Variants in PPARA observed in about 807,000 individuals in gnomAD.
PPARA encodes peroxisome proliferator-activated receptor alpha.
A neutral mutation model predicts 42.2 loss-of-function variants in PPARA; 22 were observed. The ratio of observed to expected loss-of-function variants is 0.52; its 90% CI spans 0.37 to 0.74. The LOEUF (loss-of-function observed/expected upper bound fraction) is 0.74. Ranked by LOEUF, PPARA falls within the 30% of genes least tolerant of loss-of-function variation. The pLI is 0.00. For missense variants in PPARA, 465 were observed against 608.2 expected (o/e 0.76, Z 2.48); for synonymous variants, 242 against 239.3 (o/e 1.01, Z -0.10).
intron 4 of PPARA, among the ~76,000 whole-genome samples, chr22:46,199,283 G>A (rs1668605158): frequency 6.6e-6 from 1 of 152,088 alleles, no homozygotes; most frequent in Non-Finnish European, 1.5e-5. Context: ...GCGTCAAAGG[G>A]AAACAGATAA....
intron 3 of PPARA, among the ~76,000 whole-genome samples, chr22:46,189,114 C>G (rs1601692501): frequency 1.3e-5 from 2 of 152,332 alleles, no homozygotes; most frequent in Middle Eastern, 6.8e-3. Context: ...ACTTTTGATT[C>G]TTGTGGCAGG....
chr22:46,152,791 A>G (rs966877206), intron 2 of PPARA, among the ~76,000 whole-genome samples: 3 of 152,214 alleles, frequency 2.0e-5, no homozygotes, highest in African/African-American at 7.2e-5. Flanking sequence ...AAGCAAAAGT[A>G]AACTAATTGG....
At chr22:46,198,728 T>A in intron 4 of PPARA, 137 bp downstream of exon 4, 1 of 881,882 alleles carries the variant, frequency 1.1e-6, no homozygotes, top group Non-Finnish European at 1.7e-6. Context: ...TGGCTCGATC[T>A]CGGCTCACTG....
Position 46,204,974 on chromosome 22 carries a change from C to A in PPARA, c.208+6383C>A, listed in dbSNP as rs1003298887. Among the ~76,000 whole-genome samples the A allele has an allele frequency of 6.6e-6, 1 of 151,940 alleles. No homozygotes were observed. The highest frequency in any genetic ancestry group is 1.5e-5 in the Non-Finnish European group (1 of 67,986). On this transcript the variant is annotated intron_variant, in intron 4 of 8. Transcript: ENST00000407236. This position sits in a 1 kb window ranked among gnomAD's most constrained non-coding sequence, Gnocchi z 5.2. Reference sequence around the variant, plus strand: ...CCTTGACCTCTTGGGCTCAGGAAACCCTCCGACCTCAGCCTCCCAAGTAGC... The same window carrying A: ...CCTTGACCTCTTGGGCTCAGGAAACACTCCGACCTCAGCCTCCCAAGTAGC...
chr22:46,174,190 A>AGAG (rs1569196606), intron 2 of PPARA, among the ~76,000 whole-genome samples: 467 of 126,894 alleles, frequency 3.7e-3, no homozygotes, highest in Non-Finnish European at 6.1e-3. Flanking sequence ...AGAAGGAAGA[A>AGAG]AGAGAGAGAG....
intron 4 of PPARA, among the ~76,000 whole-genome samples, chr22:46,201,263 G>A (rs1050315965): frequency 6.6e-6 from 1 of 152,158 alleles, no homozygotes; most frequent in African/African-American, 2.4e-5. Flanking sequence ...CCTTGTAAAA[G>A]GTGGCAGTGT....
intron 4 of PPARA, among the ~76,000 whole-genome samples, chr22:46,207,790 C>T (rs920177844): frequency 6.1e-5 from 9 of 147,416 alleles, no homozygotes; most frequent in Admixed American, 1.4e-4. Flanking sequence ...CTCAAGCAAT[C>T]GTCCTGCCTC....
chr22:46,242,731 G>GCGCGCGCGCGCACACACA lies in PPARA; in HGVS notation c.*7352_*7353insGCGCGCGCGCACACACAC, dbSNP rs10643430. ...AAATACACTGCGTACACGTGTGCGTGCACACACACACACACACACACACAC... is the reference window on the plus strand; with the variant it reads ...AAATACACTGCGTACACGTGTGCGTGCGCGCGCGCGCACACACACACACACACACACACACACACACAC... On this transcript the variant is annotated 3_prime_UTR_variant, in exon 9 of 9. Coordinates refer to ENST00000407236, the MANE Select transcript of PPARA (RefSeq NM_005036.6). This position sits in a 1 kb window ranked among gnomAD's most constrained non-coding sequence, Gnocchi z 6.1. 14 of 132,698 alleles carry GCGCGCGCGCGCACACACA rather than the reference G, an allele frequency of 1.1e-4. No homozygotes were observed. The highest frequency in any genetic ancestry group is 3.5e-4 in the African/African-American group (14 of 39,856). 8.2% of individuals were successfully genotyped at this position (132,698 alleles called of 1,614,324 possible). A position where few individuals can be genotyped will look rare whatever the true frequency, so the allele number is the denominator to read the frequency against.
rs4253685 is a variant in PPARA, at chr22:46,184,531, T to C, written c.-43+7695T>C. The stretch of plus-strand genomic sequence containing the variant: ...CCATATTTAGAAGGTTTCCAACTGT[T>C]ATCTTTCACTTCCCATGTTGCTGTT... On this transcript the variant is annotated intron_variant, in intron 3 of 8. Transcript: ENST00000407236. This position sits in a 1 kb window ranked among gnomAD's most constrained non-coding sequence, Gnocchi z 4.4. Among the ~76,000 whole-genome samples the C allele has an allele frequency of 4.3e-3, 657 of 152,322 alleles. 8 individuals carry two copies. The highest frequency in any genetic ancestry group is 0.015 in the African/African-American group (633 of 41,578).
chr22:46,165,918 G>T lies in PPARA; in HGVS notation c.-126-10835G>T, dbSNP rs746449037. Among the ~76,000 whole-genome samples, 1 of 152,048 alleles carries T rather than the reference G, an allele frequency of 6.6e-6. No individual in the cohort carries two copies. The highest frequency in any genetic ancestry group is 1.5e-5 in the Non-Finnish European group (1 of 68,008). ...AGTGGCTCATGCATGTAATCCCAGC[G>T]CTTTGGGAGGCCAAGGCGGGTGAAT... On this transcript the variant is annotated intron_variant, in intron 2 of 8. Coordinates refer to ENST00000407236, the MANE Select transcript of PPARA (RefSeq NM_005036.6). The surrounding 1 kb of genome is among the most constrained non-coding windows in gnomAD (Gnocchi z 5.5).
rs563369130 is a variant in PPARA, at chr22:46,195,620, C to G, written c.-42-2722C>G. 3.3e-5 allele frequency among the ~76,000 whole-genome samples: 5 copies of G among 152,172 alleles called. No individual in the cohort carries two copies. The highest frequency in any genetic ancestry group is 6.5e-5 in the Admixed American group (1 of 15,270). The stretch of plus-strand genomic sequence containing the variant: ...AGAAGCCAAAACATCCCTTCCTCAC[C>G]GCACTAAAAGCTGTTGTTTACATGA... On this transcript the variant is annotated intron_variant, in intron 3 of 8. Transcript: ENST00000407236. This position sits in a 1 kb window ranked among gnomAD's most constrained non-coding sequence, Gnocchi z 4.6.
chr22:46,206,776 C>A (rs1933353419), intron 4 of PPARA, among the ~76,000 whole-genome samples: 1 of 152,010 alleles, frequency 6.6e-6, no homozygotes, highest in African/African-American at 2.4e-5. Flanking sequence ...GTGCTATATA[C>A]CTTTGTATAA....
At chr22:46,198,654 C>CAA in intron 4 of PPARA, 63 bp downstream of exon 4, 4 of 1,014,854 alleles carry the variant, frequency 3.9e-6, no homozygotes, top group South Asian at 1.4e-5. Context: ...GAAAACTGTT[C>CAA]TCTCTTTTTT....
In PPARA at chr22:46,204,390, G is replaced by A. The variant is rs1196244364; in HGVS notation, c.208+5799G>A. Among the ~76,000 whole-genome samples, 1 of 152,186 alleles carries A rather than the reference G, an allele frequency of 6.6e-6. No individual in the cohort carries two copies. Among genetic ancestry groups the A allele is most frequent in the Non-Finnish European group, 1.5e-5 (1 of 68,042 alleles). Reference sequence around the variant, plus strand: ...AGTATGACGGCTGGAACAGATGGCAGGTGTTTGTGTAACTTTTTAAGAAAC... The same window carrying A: ...AGTATGACGGCTGGAACAGATGGCAAGTGTTTGTGTAACTTTTTAAGAAAC... On this transcript the variant is annotated intron_variant, in intron 4 of 8. Coordinates refer to ENST00000407236, the MANE Select transcript of PPARA (RefSeq NM_005036.6). This position sits in a 1 kb window ranked among gnomAD's most constrained non-coding sequence, Gnocchi z 5.2.
rs1931828796 is a variant in PPARA, at chr22:46,193,474, T to C, written c.-42-4868T>C. Among the ~76,000 whole-genome samples, 1 of 152,204 alleles carries C rather than the reference T, an allele frequency of 6.6e-6. No individual in the cohort carries two copies. Among genetic ancestry groups the C allele is most frequent in the Non-Finnish European group, 1.5e-5 (1 of 68,046 alleles). ...TTGTTGTAACTGAAAGGATCAATGC[T>C]TGAGGGCACAGCTACCCCATTCCCC... On this transcript the variant is annotated intron_variant, in intron 3 of 8. Transcript: ENST00000407236. The surrounding 1 kb of genome is among the most constrained non-coding windows in gnomAD (Gnocchi z 5.3).
chr22:46,192,526 CTG>C lies in PPARA; in HGVS notation c.-42-5814_-42-5813del, dbSNP rs200583331. On this transcript the variant is annotated intron_variant, in intron 3 of 8. Coordinates refer to ENST00000407236, the MANE Select transcript of PPARA (RefSeq NM_005036.6). The surrounding 1 kb of genome is among the most constrained non-coding windows in gnomAD (Gnocchi z 4.3). ...AAGTGTTCTACAATTTTCATATACTCTGTTTCATCGTTCTCAAAGGAATATTT... is the reference window on the plus strand; with the variant it reads ...AAGTGTTCTACAATTTTCATATACTCTTTCATCGTTCTCAAAGGAATATTT... Among the ~76,000 whole-genome samples the C allele has an allele frequency of 1.3e-4, 19 of 150,066 alleles. No individual in the cohort carries two copies. Among genetic ancestry groups the C allele is most frequent in the Admixed American group, 1.2e-3 (19 of 15,220 alleles).
rs903846069 is a variant in PPARA, at chr22:46,184,724, G to A, written c.-43+7888G>A. 2.6e-5 allele frequency among the ~76,000 whole-genome samples: 4 copies of A among 152,134 alleles called. No homozygotes were observed. The highest frequency in any genetic ancestry group is 4.8e-5 in the African/African-American group (2 of 41,424). On this transcript the variant is annotated intron_variant, in intron 3 of 8. Transcript: ENST00000407236. The surrounding 1 kb of genome is among the most constrained non-coding windows in gnomAD (Gnocchi z 4.4). The stretch of plus-strand genomic sequence containing the variant: ...ACAAAAATTAGCCAGGCGTGGTGGC[G>A]CACGCCTGTAGTACCAGCTATTCGG...
At chr22:46,194,568 CTTTTTTTT>C (rs1158744441) in intron 3 of PPARA, among the ~76,000 whole-genome samples, 8 of 125,500 alleles carry the variant, frequency 6.4e-5, no homozygotes, top group East Asian at 2.4e-4. Flanking sequence ...TTGCTTTTTC[CTTTTTTTT>C]TTTTTTTTTT....
rs1935950178 is a variant in PPARA at position 46,232,541 on chromosome 22, T to C, written c.1159+302T>C. ...GGTGCACACCTTTAGTCCCAGCTACTTACTCAGTAGACTGAGGCAAAAGGA... is the reference window on the plus strand; with the variant it reads ...GGTGCACACCTTTAGTCCCAGCTACCTACTCAGTAGACTGAGGCAAAAGGA... On this transcript the variant is annotated intron_variant, in intron 8 of 8. Transcript: ENST00000407236. The surrounding 1 kb of genome is among the most constrained non-coding windows in gnomAD (Gnocchi z 5.3). Among the ~76,000 whole-genome samples, 1 of 152,068 alleles carries C rather than the reference T, an allele frequency of 6.6e-6. No individual in the cohort carries two copies. The highest frequency in any genetic ancestry group is 1.5e-5 in the Non-Finnish European group (1 of 68,020).
Sources: gnomAD v4.1 joint callset for allele counts (sites outside exome capture counted in the v4.1 genomes callset) on GRCh38, gnomAD v4.1.1 for gene constraint, Gnocchi (gnomAD v3.1) non-coding constraint, MANE v1.5 for transcripts, NCBI Gene and HGNC (gene_info 2026-07-23, HGNC 2026-07-21) for gene names.